PHTF1: variants seen among roughly 807,000 people sequenced by gnomAD.
The protein encoded by PHTF1 is putative homeodomain transcription factor 1.
A neutral mutation model predicts 102.4 loss-of-function variants in PHTF1; 88 were observed. The observed-to-expected ratio is 0.86, with a 90% CI of 0.72 to 1.03. PHTF1 has a LOEUF of 1.03. Among genes scored for constraint, PHTF1 ranks in the 50% least tolerant of loss-of-function variants. The pLI, the probability that PHTF1 is intolerant of heterozygous loss-of-function variation, is 0.00. For missense variants in PHTF1, 814 were observed against 909.5 expected (o/e 0.89, Z 1.35); for synonymous variants, 289 against 305.2 (o/e 0.95, Z 0.55).
intron 3 of PHTF1, among the ~76,000 whole-genome samples, chr1:113,756,379 C>T (rs572073548): frequency 1.3e-5 from 2 of 152,074 alleles, no homozygotes; most frequent in Admixed American, 6.5e-5. Context: ...TATTGATTGG[C>T]CTATTTAACA....
rs1649043220 is a variant in PHTF1 at position 113,698,445 on chromosome 1, G to A, written c.2143-58C>T. 1.2e-5 allele frequency: 18 copies of A among 1,516,402 alleles called. No homozygotes were observed. In the South Asian group the frequency reaches 1.9e-4, roughly 16 times the overall value. The allele number at this position is 1,516,402 out of a possible 1,614,324, so 93.9% of individuals were successfully genotyped here. A position where few individuals can be genotyped will look rare whatever the true frequency, so the allele number is the denominator to read the frequency against. ...ACATGTTTTCTCATAGCTACTCAGT[G>A]ACTTCTTGCTGTGTTTTGTCTTGGG... is the stretch of plus-strand genomic sequence containing the variant. On this transcript the variant is annotated intron_variant, in intron 17 of 18. Transcript: ENST00000369604.
intron 11 of PHTF1, among the ~76,000 whole-genome samples, chr1:113,708,495 A>T (rs775039864): frequency 2.6e-5 from 4 of 152,042 alleles, no homozygotes; most frequent in Non-Finnish European, 5.9e-5. Context: ...GTGTGGTGGC[A>T]GGCGGCAGGC....
At chr1:113,722,310 G>A (rs147201998) in intron 7 of PHTF1, among the ~76,000 whole-genome samples, 84 of 151,928 alleles carry the variant, frequency 5.5e-4, no homozygotes, top group African/African-American at 2.0e-3. Flanking sequence ...ACGGTGGCGG[G>A]TGCCTGTAGT....
At chr1:113,753,784 C>G (rs1189251843) in intron 3 of PHTF1, among the ~76,000 whole-genome samples, 5 of 151,318 alleles carry the variant, frequency 3.3e-5, no homozygotes, top group Non-Finnish European at 7.4e-5. Context: ...AAGCAATCCT[C>G]TCACCTCAGT....
intron 3 of PHTF1, among the ~76,000 whole-genome samples, chr1:113,748,212 C>A (rs971235576): frequency 2.6e-5 from 4 of 152,120 alleles, no homozygotes; most frequent in Non-Finnish European, 4.4e-5. Flanking sequence ...CTCCTGAGTT[C>A]AAGGGATCCT....
intron 10 of PHTF1, among the ~76,000 whole-genome samples, chr1:113,711,241 GAA>G (rs1278500168): frequency 6.6e-6 from 1 of 152,030 alleles, no homozygotes; most frequent in African/African-American, 2.4e-5. Context: ...ACATAAATAT[GAA>G]AGTTATTCCA....
intron 11 of PHTF1, 151 bp downstream of exon 11, chr1:113,710,103 T>C (rs749624790): frequency 7.8e-5 from 50 of 644,738 alleles, no homozygotes; most frequent in African/African-American, 1.1e-4. Context: ...TCTTCACTTA[T>C]AGACTATGCT....
chr1:113,745,040 G>A (rs2101649678), intron 3 of PHTF1, among the ~76,000 whole-genome samples: 1 of 151,756 alleles, frequency 6.6e-6, no homozygotes, highest in Middle Eastern at 3.4e-3. Context: ...GGCAGGGCAG[G>A]GCAGGGCAGG....
chr1:113,754,934 TA>T (rs1297184465), intron 3 of PHTF1, among the ~76,000 whole-genome samples: 3 of 152,154 alleles, frequency 2.0e-5, no homozygotes. Context: ...AAACAAGTCT[TA>T]TACTTCTGTT....
At chr1:113,728,646 T>C (rs1307163619) in intron 5 of PHTF1, among the ~76,000 whole-genome samples, 2 of 152,170 alleles carry the variant, frequency 1.3e-5, no homozygotes, top group East Asian at 1.9e-4. Flanking sequence ...CTGTGGCTCA[T>C]GCCTGTAATC....
chr1:113,737,502 T>C (rs61817587), intron 5 of PHTF1, among the ~76,000 whole-genome samples: 3 of 152,200 alleles, frequency 2.0e-5, no homozygotes, highest in Admixed American at 6.5e-5. Flanking sequence ...ACTTAGAGAA[T>C]AGAACCTAGG....
At chr1:113,757,189 A>G (rs1159439638) in intron 3 of PHTF1, among the ~76,000 whole-genome samples, 3 of 150,572 alleles carry the variant, frequency 2.0e-5, no homozygotes, top group African/African-American at 5.0e-5. Flanking sequence ...AAACAAAAAA[A>G]CAAACAAAAA....
At chr1:113,743,939 TA>T (rs1292184383) in intron 3 of PHTF1, among the ~76,000 whole-genome samples, 3 of 152,342 alleles carry the variant, frequency 2.0e-5, no homozygotes, top group African/African-American at 7.2e-5. Flanking sequence ...GTCTGTGCTC[TA>T]ACCACTACAC....
intron 4 of PHTF1, 57 bp downstream of exon 4, chr1:113,738,673 T>G (rs1472848433): frequency 1.0e-6 from 1 of 994,614 alleles, no homozygotes; most frequent in Non-Finnish European, 1.5e-6. Context: ...TATTGAAAAT[T>G]AAGCATCCCT....
At chr1:113,734,754 T>C (rs1481019920) in intron 5 of PHTF1, among the ~76,000 whole-genome samples, 15 of 152,216 alleles carry the variant, frequency 9.9e-5, no homozygotes, top group Non-Finnish European at 1.5e-4. Context: ...CAGTCACATA[T>C]AACCAGTTGG....
At chr1:113,737,291 A>C (rs1158601086) in intron 5 of PHTF1, among the ~76,000 whole-genome samples, 1 of 152,268 alleles carries the variant, frequency 6.6e-6, no homozygotes, top group African/African-American at 2.4e-5. Flanking sequence ...ACATGTGTGC[A>C]GCGCACACAC....
At chr1:113,755,337 C>T (rs1206288638) in intron 3 of PHTF1, among the ~76,000 whole-genome samples, 2 of 152,136 alleles carry the variant, frequency 1.3e-5, no homozygotes, top group Non-Finnish European at 2.9e-5. Context: ...CACTATCAGA[C>T]TGTGAAACCC....
chr1:113,699,586 G>A, intron 17 of PHTF1, 118 bp downstream of exon 17: 2 of 681,502 alleles, frequency 2.9e-6, no homozygotes, highest in Non-Finnish European at 5.3e-6. Flanking sequence ...CACTGTGGAA[G>A]AGTCCACTTC....
intron 5 of PHTF1, among the ~76,000 whole-genome samples, chr1:113,726,792 T>C (rs1653911199): frequency 6.6e-6 from 1 of 152,234 alleles, no homozygotes; most frequent in Non-Finnish European, 1.5e-5. Context: ...AGGATTTACC[T>C]TTCTAGCAGC....
Sources: gnomAD v4.1 joint callset for allele counts (sites outside exome capture counted in the v4.1 genomes callset) on GRCh38, gnomAD v4.1.1 for gene constraint, MANE v1.5 for transcripts, NCBI Gene and HGNC (gene_info 2026-07-23, HGNC 2026-07-21) for gene names.